FAAH2: variants seen among roughly 807,000 people sequenced by gnomAD.
FAAH2 encodes fatty-acid amide hydrolase 2.
A neutral mutation model predicts 36.9 loss-of-function variants in FAAH2; 60 were observed. That is an observed-to-expected ratio of 1.63 (90% confidence interval 1.32 to 2.02). The LOEUF (loss-of-function observed/expected upper bound fraction) is 2.02. Among genes scored for constraint, FAAH2 ranks in the 30% most tolerant of loss-of-function variants. The probability of loss-of-function intolerance (pLI) is 0.00; values close to 1 mark genes in which losing one functional copy is unlikely to be tolerated. For missense variants in FAAH2, 689 were observed against 397.5 expected (o/e 1.73, Z -6.23); for synonymous variants, 214 against 143.8 (o/e 1.49, Z -3.49).
At chrX:57,361,591 C>T (rs1464761720) in intron 5 of FAAH2, among the ~76,000 whole-genome samples, 1 of 111,025 alleles carries the variant, frequency 9.0e-6, no homozygotes, top group Non-Finnish European at 1.9e-5. Context: ...TTTGTTTAGT[C>T]TCCAAAATTC....
At chrX:57,408,511 G>T (rs924947379) in intron 7 of FAAH2, among the ~76,000 whole-genome samples, 1 of 107,023 alleles carries the variant, frequency 9.3e-6, no homozygotes, top group East Asian at 2.9e-4. Context: ...ACACAATTTT[G>T]CATTTTCCTT....
the FAAH2 span, among the ~76,000 whole-genome samples, chrX:57,185,535 C>T: frequency 5.0e-5 from 5 of 99,691 alleles, no homozygotes; most frequent in South Asian, 4.7e-4. Flanking sequence ...TTCGTGTGTG[C>T]GTGTATGTGT....
chrX:57,347,098 C>T (rs1406873652), intron 5 of FAAH2, among the ~76,000 whole-genome samples: 1 of 111,006 alleles, frequency 9.0e-6, no homozygotes, highest in East Asian at 2.8e-4. Flanking sequence ...CTTTGATTTG[C>T]CTGTCACACT....
chrX:57,332,516 C>A (rs1054068554), intron 4 of FAAH2, among the ~76,000 whole-genome samples: 1 of 112,097 alleles, frequency 8.9e-6, no homozygotes, highest in Non-Finnish European at 1.9e-5. Flanking sequence ...CAGGCAGATA[C>A]AAAGAAGTGA....
intron 7 of FAAH2, among the ~76,000 whole-genome samples, chrX:57,400,361 G>T (rs770035759): frequency 7.1e-5 from 8 of 112,236 alleles, no homozygotes; most frequent in Admixed American, 2.8e-4. Context: ...TCCTTACTCA[G>T]GTATGCCACA....
intron 7 of FAAH2, among the ~76,000 whole-genome samples, chrX:57,412,269 A>G (rs2055717579): frequency 9.0e-6 from 1 of 111,462 alleles, no homozygotes; most frequent in South Asian, 3.8e-4. Flanking sequence ...GTTCTGCGGA[A>G]TGTGCAGGTT....
the FAAH2 span, among the ~76,000 whole-genome samples, chrX:57,255,512 G>T: frequency 8.9e-6 from 1 of 111,829 alleles, no homozygotes; most frequent in Non-Finnish European, 1.9e-5. Context: ...TGAAGATCAA[G>T]GAGAACATCC....
intron 10 of FAAH2, among the ~76,000 whole-genome samples, chrX:57,464,145 C>A (rs1476881468): frequency 9.0e-6 from 1 of 111,693 alleles, no homozygotes; most frequent in Non-Finnish European, 1.9e-5. Context: ...CCTCAGCCAA[C>A]TAACACAGGA....
Position 57,287,022 on chromosome X carries a change from G to C in FAAH2, c.192+5G>C. 8.5e-7 allele frequency: 1 copy of C among 1,178,940 alleles called. No homozygotes were observed. Among genetic ancestry groups the C allele is most frequent in the Non-Finnish European group, 1.1e-6 (1 of 877,002 alleles). ...AAGCTGATCCGACAGAGAAAGGTGA[G>C]AATGCAATTCAGAAGAGGCTGGAGG... On this transcript the variant is annotated splice_donor_5th_base_variant and intron_variant, in intron 1 of 10. Coordinates refer to ENST00000374900, the MANE Select transcript of FAAH2 (RefSeq NM_174912.4).
At chrX:57,303,722 G>C (rs773551390) in intron 2 of FAAH2, among the ~76,000 whole-genome samples, 6 of 111,789 alleles carry the variant, frequency 5.4e-5, no homozygotes, top group Non-Finnish European at 1.1e-4. Flanking sequence ...CTTTGTGTTT[G>C]TAAGAGGCCA....
the FAAH2 span, among the ~76,000 whole-genome samples, chrX:57,241,171 C>A: frequency 8.9e-6 from 1 of 111,834 alleles, no homozygotes; most frequent in African/African-American, 3.3e-5. Flanking sequence ...TTTGTGGACT[C>A]CTTCTTTACA....
At chrX:57,294,577 G>C (rs1196002976) in intron 2 of FAAH2, among the ~76,000 whole-genome samples, 1 of 111,680 alleles carries the variant, frequency 9.0e-6, no homozygotes, top group African/African-American at 3.3e-5. Context: ...TTATCATCAT[G>C]TCAAACTTGT....
At chrX:57,394,889 A>G in intron 7 of FAAH2, 1 of 849,540 alleles carries the variant, frequency 1.2e-6, no homozygotes, top group Non-Finnish European at 1.8e-6. Context: ...CAGGGCCCTG[A>G]CTATTTTACT....
At chrX:57,301,091 A>C (rs2052346852) in intron 2 of FAAH2, among the ~76,000 whole-genome samples, 2 of 108,506 alleles carry the variant, frequency 1.8e-5, no homozygotes, top group Non-Finnish European at 3.8e-5. Context: ...ATACCATTTG[A>C]TCCAGCCATC....
intron 7 of FAAH2, among the ~76,000 whole-genome samples, chrX:57,390,328 A>C (rs1211334563): frequency 9.0e-6 from 1 of 111,243 alleles, no homozygotes; most frequent in Non-Finnish European, 1.9e-5. Context: ...TCTTATATTT[A>C]TTGTACTTTA....
At chrX:57,159,413 C>G in the FAAH2 span, among the ~76,000 whole-genome samples, 27 of 111,540 alleles carry the variant, frequency 2.4e-4, no homozygotes, top group African/African-American at 8.5e-4. Context: ...GGCATTGAAT[C>G]TATAAATTAC....
the FAAH2 span, among the ~76,000 whole-genome samples, chrX:57,206,510 G>T: frequency 8.9e-6 from 1 of 112,092 alleles, no homozygotes; most frequent in African/African-American, 3.2e-5. Context: ...AATGAATAAT[G>T]TAACACTGTG....
chrX:57,161,229 T>C, the FAAH2 span, among the ~76,000 whole-genome samples: 1 of 112,001 alleles, frequency 8.9e-6, no homozygotes, highest in African/African-American at 3.2e-5. Flanking sequence ...CAGAGACAGT[T>C]TGTTATAATT....
At chrX:57,385,263 A>G (rs2054986337) in intron 7 of FAAH2, among the ~76,000 whole-genome samples, 1 of 76,452 alleles carries the variant, frequency 1.3e-5, no homozygotes, top group Non-Finnish European at 2.6e-5. Flanking sequence ...CATGTACCCT[A>G]AGACTTAAAG....
Sources: gnomAD v4.1 joint callset for allele counts (sites outside exome capture counted in the v4.1 genomes callset) on GRCh38, gnomAD v4.1.1 for gene constraint, MANE v1.5 for transcripts, NCBI Gene and HGNC (gene_info 2026-07-23, HGNC 2026-07-21) for gene names.